Variants in CASP6 observed in about 807,000 individuals in gnomAD.
CASP6 encodes caspase-6.
In CASP6, 20 loss-of-function variants were observed where a neutral mutation model predicts 31.8. That is an observed-to-expected ratio of 0.63 (90% CI 0.44 to 0.91). The LOEUF (loss-of-function observed/expected upper bound fraction) is 0.91. Among genes scored for constraint, CASP6 ranks in the 40% least tolerant of loss-of-function variants. The probability of loss-of-function intolerance (pLI) is 0.00; values close to 1 mark genes in which losing one functional copy is unlikely to be tolerated. For missense variants in CASP6, 328 were observed against 361.1 expected, an observed-to-expected ratio of 0.91 and a Z score of 0.74; for synonymous variants, 130 against 127.8, an observed-to-expected ratio of 1.02 and a Z score of -0.12.
rs1446701879 is a variant in CASP6 at position 109,688,667 on chromosome 4, G to A, written c.*663C>T. On this transcript the variant is annotated 3_prime_UTR_variant, in exon 7 of 7. Coordinates refer to ENST00000265164, the MANE Select transcript of CASP6 (RefSeq NM_001226.4). ...TTTATTAAGGGATGATTTAATTCCT[G>A]GATTTCAAAAACCTTTAAAAACATC... The A allele has an allele frequency of 3.3e-5, 5 of 151,810 alleles. No homozygotes were observed. Among genetic ancestry groups the A allele is most frequent in the Admixed American group, 2.6e-4 (4 of 15,220 alleles). 9.4% of individuals were successfully genotyped at this position (151,810 alleles called of 1,614,324 possible).
At chr4:109,671,705 A>G in the CASP6 span, among the ~76,000 whole-genome samples, 2 of 152,212 alleles carry the variant, frequency 1.3e-5, no homozygotes, top group Non-Finnish European at 2.9e-5. Flanking sequence ...AATCTCTGCC[A>G]TATCAGAGCC....
At chr4:109,707,386 G>A (rs1730641407), upstream of CASP6, among the ~76,000 whole-genome samples, 1 of 144,672 alleles carries the variant, frequency 6.9e-6, no homozygotes, top group Admixed American at 6.7e-5. Context: ...GTAACTCCTG[G>A]ATTTTTTTTT....
At chr4:109,666,133 G>A in the CASP6 span, among the ~76,000 whole-genome samples, 1 of 152,126 alleles carries the variant, frequency 6.6e-6, no homozygotes, top group African/African-American at 2.4e-5. Flanking sequence ...TTCAGAGCTT[G>A]TTAGCTCATT....
At chr4:109,686,086 C>G (rs1383543570), downstream of CASP6, among the ~76,000 whole-genome samples, 1 of 152,170 alleles carries the variant, frequency 6.6e-6, no homozygotes, top group Non-Finnish European at 1.5e-5. Flanking sequence ...TTACTCATCC[C>G]TAGAATTTAA....
chr4:109,669,891 G>A, the CASP6 span, among the ~76,000 whole-genome samples: 1 of 151,804 alleles, frequency 6.6e-6, no homozygotes, highest in Non-Finnish European at 1.5e-5. Context: ...ATTTCCATCT[G>A]TCTTCTTACA....
intron 3 of CASP6, among the ~76,000 whole-genome samples, chr4:109,696,783 T>G (rs1291029756): frequency 7.7e-6 from 1 of 130,116 alleles, no homozygotes; most frequent in African/African-American, 2.8e-5. Flanking sequence ...TCAGGCAAGT[T>G]TTTTTTTTTT....
At chr4:109,666,856 A>G in the CASP6 span, among the ~76,000 whole-genome samples, 1 of 151,888 alleles carries the variant, frequency 6.6e-6, no homozygotes, top group Non-Finnish European at 1.5e-5. Flanking sequence ...TTATCATGTG[A>G]TTTTTCTTCC....
the CASP6 span, among the ~76,000 whole-genome samples, chr4:109,667,138 T>C: frequency 6.6e-6 from 1 of 152,150 alleles, no homozygotes; most frequent in South Asian, 2.1e-4. Flanking sequence ...GCTTCTGTCT[T>C]CTGAAAGAGA....
upstream of CASP6, among the ~76,000 whole-genome samples, chr4:109,707,095 T>C (rs1053464859): frequency 4.6e-5 from 7 of 152,216 alleles, no homozygotes; most frequent in African/African-American, 1.4e-4. Context: ...AAAATTAAGG[T>C]ATATACATTA....
At chr4:109,686,681 C>G (rs1165236448), downstream of CASP6, among the ~76,000 whole-genome samples, 1 of 152,070 alleles carries the variant, frequency 6.6e-6, no homozygotes. Context: ...GGAGACCAGT[C>G]TAGTCAACAT....
chr4:109,700,377 G>A (rs1173381843), intron 1 of CASP6, among the ~76,000 whole-genome samples: 2 of 152,152 alleles, frequency 1.3e-5, no homozygotes, highest in Non-Finnish European at 2.9e-5. Flanking sequence ...ATGACGTTCT[G>A]GCCGGGCATA....
In CASP6 at chr4:109,697,725, T is replaced by C; in HGVS notation, c.127A>G (p.Arg43Gly). 1 of 1,613,990 alleles carries C rather than the reference T, an allele frequency of 6.2e-7. No individual in the cohort carries two copies. Among genetic ancestry groups the C allele is most frequent in the Non-Finnish European group, 8.5e-7 (1 of 1,179,958 alleles). Residue 43 changes from arginine (R) to glycine (G), a missense_variant, in exon 3 of 7, where the codon AGG becomes GGG. Coordinates refer to ENST00000265164, the MANE Select transcript of CASP6 (RefSeq NM_001226.4). Reference protein sequence around the residue: ...PAEKYKMDHRRRGIALIFNHE... With the variant: ...PAEKYKMDHRGRGIALIFNHE... Reference sequence around the variant, plus strand: ...TTGAAGATTAAAGCAATTCCTCTCCTCCTGTGGTCCATTTTGTACTTTTCT... The same window carrying C: ...TTGAAGATTAAAGCAATTCCTCTCCCCCTGTGGTCCATTTTGTACTTTTCT...
chr4:109,703,297 C>G, intron 1 of CASP6, 59 bp downstream of exon 1: 1 of 1,564,630 alleles, frequency 6.4e-7, no homozygotes, highest in East Asian at 2.3e-5. Flanking sequence ...CCCTCGTTTC[C>G]CCTCCAGCCG....
chr4:109,705,998 AAAAATATATATATATAT>A (rs1284749449), upstream of CASP6, among the ~76,000 whole-genome samples: 6 of 54,732 alleles, frequency 1.1e-4, no homozygotes, highest in East Asian at 3.2e-3. Context: ...AAAAAAAAAA[AAAAATATATATATATAT>A]ATATATATAT....
intron 4 of CASP6, among the ~76,000 whole-genome samples, chr4:109,695,309 G>C (rs1730203643): frequency 6.6e-6 from 1 of 152,040 alleles, no homozygotes; most frequent in African/African-American, 2.4e-5. Context: ...AAACATAAAG[G>C]GATTACGATA....
chr4:109,679,773 C>A, the CASP6 span, among the ~76,000 whole-genome samples: 50 of 151,652 alleles, frequency 3.3e-4, no homozygotes, highest in Non-Finnish European at 5.4e-4. Flanking sequence ...TTCTCTCCCG[C>A]TTTGAGGTAT....
the CASP6 span, among the ~76,000 whole-genome samples, chr4:109,675,125 T>C: frequency 6.6e-6 from 1 of 152,240 alleles, no homozygotes; most frequent in East Asian, 1.9e-4. Context: ...AGAATAATTC[T>C]CTCTCATTTT....
chr4:109,673,919 A>G, the CASP6 span: 2 of 778,782 alleles, frequency 2.6e-6, no homozygotes, highest in Non-Finnish European at 4.8e-6. Flanking sequence ...AAAGCTAAAG[A>G]GGCACCATTC....
the CASP6 span, chr4:109,682,665 G>C: frequency 6.2e-7 from 1 of 1,612,692 alleles, no homozygotes; most frequent in African/African-American, 1.3e-5. Flanking sequence ...GCATTTAGAA[G>C]AGTCTCAGAA....
Sources: allele counts gnomAD v4.1 joint callset (sites outside exome capture counted in the v4.1 genomes callset), GRCh38; gene constraint gnomAD v4.1.1; transcripts MANE v1.5; gene names NCBI Gene and HGNC (gene_info 2026-07-23, HGNC 2026-07-21).